Variants in TTN observed in about 807,000 individuals in gnomAD.
TTN encodes the protein titin.
Under a neutral mutation model 3,223.0 loss-of-function variants are expected in TTN, and 1,525 were observed. That is an observed-to-expected ratio of 0.47 (90% CI 0.45 to 0.49). The LOEUF is 0.49. Among genes scored for constraint, TTN ranks in the 20% least tolerant of loss-of-function variants. The pLI, the probability that TTN is intolerant of heterozygous loss-of-function variation, is 0.00. For missense variants in TTN, 40,786 were observed against 43,424.0 expected, an observed-to-expected ratio of 0.94 and a Z score of 5.40; for synonymous variants, 14,094 against 15,161.0, an observed-to-expected ratio of 0.93 and a Z score of 5.17.
intron 250 of TTN, 98 bp from the exon 251 acceptor site, chr2:178,618,951 C>T: frequency 6.8e-7 from 1 of 1,462,142 alleles, no homozygotes; most frequent in East Asian, 2.4e-5. Context: ...GGTTACATAA[C>T]CTTGGAAGTA....
Position 178,707,531 on chromosome 2 carries a change from A to G in TTN, c.29036T>C (p.Ile9679Thr), listed in dbSNP as rs749610242. 4.3e-6 allele frequency: 7 copies of G among 1,612,398 alleles called. No homozygotes were observed. The highest frequency in any genetic ancestry group is 5.9e-6 in the Non-Finnish European group (7 of 1,178,726). Residue 9679 changes from isoleucine to threonine, a missense_variant, in exon 100 of 363, where the codon ATT becomes ACT. Ile to Thr is a moderately conservative substitution (Grantham distance 89). Transcript: ENST00000589042. ...GSDTTKSKVT[I>T]KDKPAVAPAT... ...TACTTTTGAGGTGTCTGTACCTTTA[A>G]TGGTCACTTTTGATTTGGTAGTGTC...
chr2:178,742,522 C>G (rs2082675525), intron 47 of TTN, among the ~76,000 whole-genome samples: 1 of 152,010 alleles, frequency 6.6e-6, no homozygotes, highest in South Asian at 2.1e-4. Flanking sequence ...ATTACTTGAA[C>G]AAAGCCTTTG....
At chr2:178,627,683 T>C (rs1410482839) in intron 240 of TTN, among the ~76,000 whole-genome samples, 1 of 151,966 alleles carries the variant, frequency 6.6e-6, no homozygotes, top group Non-Finnish European at 1.5e-5. Flanking sequence ...AAAAATAAAA[T>C]GTGAATAAGA....
Position 178,553,894 on chromosome 2 carries a change from C to A in TTN, c.89197+20G>T. The A allele has an allele frequency of 6.4e-7, 1 of 1,571,810 alleles. No individual in the cohort carries two copies. Among genetic ancestry groups the A allele is most frequent in the Non-Finnish European group, 8.6e-7 (1 of 1,161,408 alleles). On this transcript the variant is annotated intron_variant, in intron 333 of 362. Coordinates refer to ENST00000589042, the MANE Select transcript of TTN (RefSeq NM_001267550.2). ...AATATAGAAGACACAGGTGAAGATG[C>A]TGCAGGTATGAGCACTTACCAATAG...
rs779685038 is a variant in TTN at position 178,531,890 on chromosome 2, AAAAGATATCAAATCTTGCAGACCTCT to A, written c.104699_104724del (p.Glu34900ValfsTer4). On this transcript the variant is annotated frameshift_variant, in exon 358 of 363. Transcript: ENST00000589042. LOFTEE classifies it high-confidence loss of function. ...GCAGCTTTCATGGACTCATACCTGG[AAAAGATATCAAATCTTGCAGACCTCT>A]CAAATCTCGAGAGTGATCTCTCACT... is the stretch of plus-strand genomic sequence containing the variant. The A allele has an allele frequency of 2.0e-5, 33 of 1,612,596 alleles. No individual in the cohort carries two copies. The highest frequency in any genetic ancestry group is 2.6e-5 in the Non-Finnish European group (31 of 1,179,240).
In TTN at chr2:178,680,049, T is replaced by C. The variant is rs777763318; in HGVS notation, c.33425A>G (p.Glu11142Gly). 5 of 1,612,562 alleles carry C rather than the reference T, an allele frequency of 3.1e-6. No homozygotes were observed. In the East Asian group the frequency reaches 1.1e-4, roughly 36 times the overall value. The change falls in exon 140 of 363, where the codon GAA becomes GGA. Residue 11142 changes from glutamate (E) to glycine (G), a missense_variant. Glu to Gly is a moderately conservative substitution (Grantham distance 98). Coordinates refer to ENST00000589042, the MANE Select transcript of TTN (RefSeq NM_001267550.2). ...TTCTGGTTCAAGTTCTTTAGGCACT[T>C]CTGGCACTTTAAAGATATTATCTTT... ...KEVAPPVRVP[E>G]VPKELEPEEV...
chr2:178,713,398 C>G, intron 92 of TTN, 26 bp from the exon 93 acceptor site: 1 of 1,465,960 alleles, frequency 6.8e-7, no homozygotes, highest in South Asian at 1.5e-5. Flanking sequence ...CAAAACAAAA[C>G]AAAACAAAAC....
Position 178,792,060 on chromosome 2 carries a change from A to G in TTN, c.1662+12T>C. 1 of 1,610,960 alleles carries G rather than the reference A, an allele frequency of 6.2e-7. No homozygotes were observed. Among genetic ancestry groups the G allele is most frequent in the Middle Eastern group, 1.7e-4 (1 of 6,044 alleles). On this transcript the variant is annotated intron_variant, in intron 10 of 362. Transcript: ENST00000589042. The stretch of plus-strand genomic sequence containing the variant: ...TCAACAAACTACAAAATATTTAGAA[A>G]ATCAGACTTACTGCTTCTTGAGTTA...
intron 242 of TTN, among the ~76,000 whole-genome samples, chr2:178,623,516 C>A (rs550738612): frequency 4.2e-4 from 64 of 151,900 alleles, no homozygotes; most frequent in Non-Finnish European, 8.7e-4. Context: ...GATTCTGAGA[C>A]AAATGCTGTC....
At chr2:178,559,243 A>C in intron 326 of TTN, 68 bp downstream of exon 326, 1 of 1,386,318 alleles carries the variant, frequency 7.2e-7, no homozygotes, top group Non-Finnish European at 9.8e-7. Flanking sequence ...ACGACTAATT[A>C]GAATGACTCA....
At chr2:178,749,498 T>C in intron 47 of TTN, 1 of 1,612,874 alleles carries the variant, frequency 6.2e-7, no homozygotes, top group Non-Finnish European at 8.5e-7. Context: ...TGAATATTCT[T>C]TTACATTTGT....
Position 178,731,463 on chromosome 2 carries a change from T to C in TTN, c.17303A>G (p.Asp5768Gly), listed in dbSNP as rs1251438106. Residue 5768 changes from aspartate to glycine, a missense_variant, in exon 59 of 363, where the codon GAT becomes GGT. Physicochemically the swap from Asp to Gly is moderately conservative, Grantham distance 94. Transcript: ENST00000589042. ...TATATTATCGTCTTCAGTGATTTCA[T>C]CGCTGTCTTTTAGCCAAGTCACCGT... ...PITVTWLKDSDEITEDDNIRM... is the reference protein window; with the variant it reads ...PITVTWLKDSGEITEDDNIRM... 9.9e-6 allele frequency: 16 copies of C among 1,613,664 alleles called. No homozygotes were observed. The highest frequency in any genetic ancestry group is 1.3e-5 in the African/African-American group (1 of 74,910).
rs778457746 is a variant in TTN, at chr2:178,695,404, T to C, written c.31214A>G (p.His10405Arg). The C allele has an allele frequency of 4.3e-6, 7 of 1,612,030 alleles. No individual in the cohort carries two copies. Among genetic ancestry groups the C allele is most frequent in the South Asian group, 1.1e-5 (1 of 90,942 alleles). The change falls in exon 115 of 363, where the codon CAT becomes CGT. Residue 10405 changes from histidine (H) to arginine (R), a missense_variant. His to Arg is a conservative substitution (Grantham distance 29). Coordinates refer to ENST00000589042, the MANE Select transcript of TTN (RefSeq NM_001267550.2). ...TACTTTGGCTGGAACTTTTCTCTCATGTGATTCTGAAATAAAAACACAGGA... is the reference window on the plus strand; with the variant it reads ...TACTTTGGCTGGAACTTTTCTCTCACGTGATTCTGAAATAAAAACACAGGA... The part of the protein sequence containing the change: ...QVQKEVYEES[H>R]ERKVPAKVPE...
At position 178,707,796 on chromosome 2, in the gene TTN, C is replaced by T; in HGVS notation, c.28771G>A (p.Val9591Ile). 1 of 1,594,212 alleles carries T rather than the reference C, an allele frequency of 6.3e-7. No homozygotes were observed. Among genetic ancestry groups the T allele is most frequent in the Non-Finnish European group, 8.6e-7 (1 of 1,166,774 alleles). ...ACTGGAGTAAGGTGCTGATCAAATACAGGTGGCTTCTTAGGTTCTGGAATT... is the reference window on the plus strand; with the variant it reads ...ACTGGAGTAAGGTGCTGATCAAATATAGGTGGCTTCTTAGGTTCTGGAATT... ...IVIKEPKKPP[V>I]FDQHLTPVTV... Residue 9591 changes from valine to isoleucine, a missense_variant, in exon 100 of 363, where the codon GTA becomes ATA. Val to Ile is a conservative substitution (Grantham distance 29). Coordinates refer to ENST00000589042, the MANE Select transcript of TTN (RefSeq NM_001267550.2).
intron 13 of TTN, among the ~76,000 whole-genome samples, chr2:178,787,786 T>C (rs11892354): frequency 0.11 from 17,246 of 152,086 alleles, 1,617 homozygotes; most frequent in African/African-American, 0.23. Flanking sequence ...AATTATTGTA[T>C]ATCAGATTTA....
chr2:178,624,652 G>A lies in TTN; in HGVS notation c.44628C>T (p.Val14876=), dbSNP rs754414745. ...EGATAVLECE[V]SRENAKVKWF... ...ATTTCACCTTAGCATTTTCTCTGGAGACTTCACACTCCAGCACTGCAGTGG... is the reference window on the plus strand; with the variant it reads ...ATTTCACCTTAGCATTTTCTCTGGAAACTTCACACTCCAGCACTGCAGTGG... The change falls in exon 242 of 363, where the codon GTC becomes GTT. Residue 14876 remains valine (V), a synonymous_variant. Transcript: ENST00000589042. 1 of 1,612,368 alleles carries A rather than the reference G, an allele frequency of 6.2e-7. No individual in the cohort carries two copies. The highest frequency in any genetic ancestry group is 8.5e-7 in the Non-Finnish European group (1 of 1,179,092).
Position 178,724,402 on chromosome 2 carries a change from G to C in TTN, c.20973C>G (p.Ser6991Arg), listed in dbSNP as rs778559152. Residue 6991 changes from serine (S) to arginine (R), a missense_variant, in exon 72 of 363, where the codon AGC (serine) becomes AGG (arginine). Coordinates refer to ENST00000589042, the MANE Select transcript of TTN (RefSeq NM_001267550.2). ...WYKDGKLLTSSQKHKFSFYNK... is the reference protein window; with the variant it reads ...WYKDGKLLTSRQKHKFSFYNK... ...TGTAGAAGCTAAATTTGTGTTTTTG[G>C]CTGCTGGTCAACAGCTTTCCATCCT... 8 of 1,613,376 alleles carry C rather than the reference G, an allele frequency of 5.0e-6. No individual in the cohort carries two copies. Among genetic ancestry groups the C allele is most frequent in the Admixed American group, 3.3e-5 (2 of 59,950 alleles).
Position 178,718,050 on chromosome 2 carries a change from G to A in TTN, c.24956C>T (p.Ala8319Val). 2 of 1,613,744 alleles carry A rather than the reference G, an allele frequency of 1.2e-6. No individual in the cohort carries two copies. Among genetic ancestry groups the A allele is most frequent in the Non-Finnish European group, 1.7e-6 (2 of 1,179,722 alleles). ...AYKMQFKNNV[A>V]SLVINKVDHS... The stretch of plus-strand genomic sequence containing the variant: ...ATCCACTTTGTTGATTACTAAGGAA[G>A]CAACGTTATTTTTGAATTGCATTTT... Residue 8319 changes from alanine to valine, a missense_variant, in exon 86 of 363, where the codon GCT becomes GTT. Physicochemically the swap from Ala to Val is moderately conservative, Grantham distance 64. Transcript: ENST00000589042.
chr2:178,710,899 C>G lies in TTN; in HGVS notation c.28198G>C (p.Asp9400His). ...LTEGKNPPFF[D>H]IRLAPVDAVV... Reference sequence around the variant, plus strand: ...GCATCCACAGGGGCAAGACGGATGTCAAAGAAGGGTGGGTTCTTCCCCTCT... The same window carrying G: ...GCATCCACAGGGGCAAGACGGATGTGAAAGAAGGGTGGGTTCTTCCCCTCT... The change falls in exon 98 of 363, where the codon GAC becomes CAC. Residue 9400 changes from aspartate to histidine, a missense_variant. Asp to His is a moderately conservative substitution (Grantham distance 81). Coordinates refer to ENST00000589042, the MANE Select transcript of TTN (RefSeq NM_001267550.2). 6.2e-7 allele frequency: 1 copy of G among 1,613,262 alleles called. No individual in the cohort carries two copies. Among genetic ancestry groups the G allele is most frequent in the Non-Finnish European group, 8.5e-7 (1 of 1,179,314 alleles).
Sources: gnomAD v4.1 joint callset for allele counts (sites outside exome capture counted in the v4.1 genomes callset) on GRCh38, gnomAD v4.1.1 for gene constraint, MANE v1.5 for transcripts, NCBI Gene and HGNC (gene_info 2026-07-23, HGNC 2026-07-21) for gene names.